The following CDH18 variants were observed in gnomAD, a reference collection of about 807,000 sequenced individuals.
CDH18 encodes cadherin-18.
Under a neutral mutation model 67.9 loss-of-function variants are expected in CDH18, and 31 were observed. The observed-to-expected ratio is 0.46, with a 90% CI of 0.34 to 0.62. The LOEUF (loss-of-function observed/expected upper bound fraction) is 0.62, where lower values mean the gene tolerates loss of function less well. Ranked by LOEUF, CDH18 falls within the 20% of genes least tolerant of loss-of-function variation. The probability of loss-of-function intolerance (pLI) is 0.01; values close to 1 mark genes in which losing one functional copy is unlikely to be tolerated. For synonymous variants in CDH18, 362 were observed against 347.2 expected (o/e 1.04, Z -0.48); for missense variants, 890 against 975.5 (o/e 0.91, Z 1.17).
intron 5 of CDH18, among the ~76,000 whole-genome samples, chr5:19,682,007 T>C (rs1440571645): frequency 6.6e-6 from 1 of 152,084 alleles, no homozygotes; most frequent in Non-Finnish European, 1.5e-5. Context: ...AGTAGTTCTT[T>C]AAGATTGAGT....
At chr5:19,733,389 C>T (rs998767297) in intron 4 of CDH18, among the ~76,000 whole-genome samples, 3 of 152,128 alleles carry the variant, frequency 2.0e-5, no homozygotes, top group Non-Finnish European at 2.9e-5. Context: ...CTTCTTTATC[C>T]TATGCCTATA....
chr5:19,566,058 C>A (rs1268567083), intron 8 of CDH18, among the ~76,000 whole-genome samples: 1 of 151,874 alleles, frequency 6.6e-6, no homozygotes, highest in African/African-American at 2.4e-5. Context: ...AAAAAATGGG[C>A]AAAATATCTG....
chr5:20,408,559 G>T (rs1580931118), intron 1 of CDH18, among the ~76,000 whole-genome samples: 1 of 151,776 alleles, frequency 6.6e-6, no homozygotes, highest in Non-Finnish European at 1.5e-5. Context: ...TAAATCTTAT[G>T]CCAACCATGA....
intron 2 of CDH18, among the ~76,000 whole-genome samples, chr5:20,071,801 C>G (rs972244476): frequency 1.3e-5 from 2 of 152,040 alleles, no homozygotes; most frequent in Non-Finnish European, 2.9e-5. Flanking sequence ...TGTTTCCCTT[C>G]TAAACAGTAA....
At chr5:19,912,798 G>A (rs1489030794) in intron 2 of CDH18, among the ~76,000 whole-genome samples, 1 of 152,122 alleles carries the variant, frequency 6.6e-6, no homozygotes, top group Non-Finnish European at 1.5e-5. Flanking sequence ...TCTGTGTCAA[G>A]AGTCACAATA....
At chr5:19,836,044 C>T (rs1257161291) in intron 3 of CDH18, among the ~76,000 whole-genome samples, 3 of 152,120 alleles carry the variant, frequency 2.0e-5, no homozygotes, top group African/African-American at 2.4e-5. Flanking sequence ...CAAAACTAGG[C>T]GAGCCTGAAA....
At chr5:19,497,351 T>C (rs1028559576) in intron 11 of CDH18, among the ~76,000 whole-genome samples, 6 of 152,246 alleles carry the variant, frequency 3.9e-5, no homozygotes, top group Non-Finnish European at 5.9e-5. Flanking sequence ...TATTTGTTCT[T>C]ATAGGACTGT....
At chr5:20,197,822 T>G (rs933915993) in intron 2 of CDH18, among the ~76,000 whole-genome samples, 1 of 152,212 alleles carries the variant, frequency 6.6e-6, no homozygotes. Context: ...ATTACAGGCA[T>G]AAGTTCTGAT....
intron 3 of CDH18, among the ~76,000 whole-genome samples, chr5:19,791,745 A>G (rs1352422308): frequency 2.0e-5 from 3 of 152,156 alleles, no homozygotes; most frequent in African/African-American, 4.8e-5. Flanking sequence ...CTCTATTTTT[A>G]TTTTCCATTT....
chr5:20,207,258 T>C (rs1223892485), intron 2 of CDH18, among the ~76,000 whole-genome samples: 1 of 151,632 alleles, frequency 6.6e-6, no homozygotes, highest in African/African-American at 2.4e-5. Context: ...ACAAAATATG[T>C]AGAAATAAAT....
chr5:20,003,194 C>A (rs536572695), intron 2 of CDH18, among the ~76,000 whole-genome samples: 1 of 151,980 alleles, frequency 6.6e-6, no homozygotes, highest in Non-Finnish European at 1.5e-5. Flanking sequence ...TGCTTTGGCC[C>A]AGTTTAGAAA....
At position 19,865,372 on chromosome 5, in the gene CDH18, T is replaced by C. The variant is rs138932946; in HGVS notation, c.-256-26130A>G. Among the ~76,000 whole-genome samples, 704 of 152,240 alleles carry C rather than the reference T, an allele frequency of 4.6e-3. 1 individual carries two copies. Among genetic ancestry groups the C allele is most frequent in the South Asian group, 0.018 (86 of 4,820 alleles). On this transcript the variant is annotated intron_variant, in intron 2 of 12. Transcript: ENST00000382275. ...ATTTTACAACAAGATGCACAAAAAA[T>C]ATAGTTTTGTTACTTAAAAAAAACC... is the stretch of plus-strand genomic sequence containing the variant.
Position 20,172,204 on chromosome 5 carries a change from A to ATG in CDH18, c.-518+83239_-518+83240insCA, listed in dbSNP as rs1554098701. On this transcript the variant is annotated intron_variant, in intron 2 of 14. Coordinates refer to the CDH18 transcript ENST00000507958. ...TAGCATTGTGTGTATATATATATAT[A>ATG]TATATATATATATATATATGTATAT... 1.3e-4 allele frequency among the ~76,000 whole-genome samples: 8 copies of ATG among 60,314 alleles called. 1 individual carries two copies. Among genetic ancestry groups the ATG allele is most frequent in the Non-Finnish European group, 1.8e-4 (6 of 33,180 alleles). 39.6% of individuals were successfully genotyped at this position (60,314 alleles called of 152,430 possible). A position where few individuals can be genotyped will look rare whatever the true frequency, so the allele number is the denominator to read the frequency against.
intron 6 of CDH18, among the ~76,000 whole-genome samples, chr5:19,603,412 C>T (rs547657695): frequency 3.6e-4 from 54 of 152,022 alleles, no homozygotes; most frequent in African/African-American, 9.9e-4. Flanking sequence ...TTTTGCAAGA[C>T]GAAAAGACTT....
chr5:19,550,437 C>T (rs190377290), intron 8 of CDH18, among the ~76,000 whole-genome samples: 2,234 of 151,908 alleles, frequency 0.015, 54 homozygotes, highest in African/African-American at 0.051. Context: ...CAACAGTCCC[C>T]GGTATGTGAT....
intron 6 of CDH18, among the ~76,000 whole-genome samples, chr5:19,604,289 G>A (rs1009181451): frequency 3.3e-5 from 5 of 151,862 alleles, no homozygotes; most frequent in African/African-American, 1.2e-4. Flanking sequence ...TCTTACAAAA[G>A]CTGTAATAAA....
intron 3 of CDH18, among the ~76,000 whole-genome samples, chr5:19,809,703 G>T (rs1363559930): frequency 6.6e-6 from 1 of 152,108 alleles, no homozygotes; most frequent in South Asian, 2.1e-4. Flanking sequence ...TACATTAAGT[G>T]TATACATAAG....
At chr5:20,017,414 A>G (rs1911858) in intron 2 of CDH18, among the ~76,000 whole-genome samples, 24,694 of 152,184 alleles carry the variant, frequency 0.16, 4,837 homozygotes, top group African/African-American at 0.47. Context: ...TAAACTGTCT[A>G]TATGAGTAGT....
intron 1 of CDH18, among the ~76,000 whole-genome samples, chr5:20,326,536 A>C (rs1580757648): frequency 6.7e-6 from 1 of 148,524 alleles, no homozygotes; most frequent in East Asian, 2.0e-4. Context: ...AAACATATTT[A>C]CTTTTTTTTT....
Sources: gnomAD v4.1 joint callset for allele counts (sites outside exome capture counted in the v4.1 genomes callset) on GRCh38, gnomAD v4.1.1 for gene constraint, MANE v1.5 for transcripts, NCBI Gene and HGNC (gene_info 2026-07-23, HGNC 2026-07-21) for gene names.